The following NFASC variants were observed in gnomAD, a reference collection of about 807,000 sequenced individuals.
NFASC encodes neurofascin.
A neutral mutation model predicts 147.5 loss-of-function variants in NFASC; 43 were observed. The observed-to-expected ratio is 0.29, with a 90% CI of 0.23 to 0.38. The LOEUF is 0.38. Among genes scored for constraint, NFASC ranks in the 10% least tolerant of loss-of-function variants. NFASC has a pLI of 1.00. For missense variants in NFASC, 1,320 were observed against 1,689.0 expected (o/e 0.78, Z 3.83); for synonymous variants, 622 against 665.5 (o/e 0.93, Z 1.01).
chr1:204,964,792 A>C (rs2094859243), intron 8 of NFASC, among the ~76,000 whole-genome samples: 2 of 152,280 alleles, frequency 1.3e-5, no homozygotes, highest in Non-Finnish European at 2.9e-5. Flanking sequence ...TTTTTGGTAG[A>C]GGTCCTCAGA....
At chr1:204,863,901 T>A (rs28800878) in intron 1 of NFASC, among the ~76,000 whole-genome samples, 336 of 77,920 alleles carry the variant, frequency 4.3e-3, no homozygotes, top group Middle Eastern at 0.02. Context: ...GAAGGAAGGA[T>A]GGAAAGAAGA....
chr1:204,843,693 T>G (rs576134599), intron 1 of NFASC, among the ~76,000 whole-genome samples: 44 of 141,316 alleles, frequency 3.1e-4, no homozygotes, highest in Middle Eastern at 3.6e-3. Flanking sequence ...CCTTTCTCCC[T>G]TTCTCTCTTT....
At chr1:204,854,834 C>T (rs967487369) in intron 1 of NFASC, among the ~76,000 whole-genome samples, 2 of 152,246 alleles carry the variant, frequency 1.3e-5, no homozygotes, top group Admixed American at 6.5e-5. Flanking sequence ...CCTCTCCTGG[C>T]CTCACTCTGG....
intron 24 of NFASC, 139 bp from the exon 25 acceptor site, chr1:204,997,031 G>C: frequency 7.5e-7 from 1 of 1,340,640 alleles, no homozygotes. Flanking sequence ...GTCTGACCCA[G>C]TCCGTTATGC....
At chr1:204,866,518 G>A (rs1227297114) in intron 1 of NFASC, among the ~76,000 whole-genome samples, 1 of 152,138 alleles carries the variant, frequency 6.6e-6, no homozygotes, top group Non-Finnish European at 1.5e-5. Context: ...TCCAGAAAGG[G>A]TAAAAGGCTT....
chr1:204,936,198 CTTTTTCTTT>C (rs2092820158), intron 2 of NFASC, among the ~76,000 whole-genome samples: 1 of 71,880 alleles, frequency 1.4e-5, no homozygotes, highest in Non-Finnish European at 2.4e-5. Flanking sequence ...CTCTCTCTTT[CTTTTTCTTT>C]TTTTTTTTTT....
At chr1:204,937,835 C>T (rs1265297917) in intron 2 of NFASC, among the ~76,000 whole-genome samples, 6 of 152,308 alleles carry the variant, frequency 3.9e-5, no homozygotes, top group Non-Finnish European at 8.8e-5. Flanking sequence ...TACTGTCCTC[C>T]CTGCTGGGAT....
chr1:204,969,082 G>C (rs1362694171), intron 10 of NFASC, 100 bp downstream of exon 10: 1 of 1,077,416 alleles, frequency 9.3e-7, no homozygotes, highest in Non-Finnish European at 1.3e-6. Context: ...GAGTCGGAGA[G>C]ACTTCCAGCC....
intron 8 of NFASC, among the ~76,000 whole-genome samples, chr1:204,963,628 A>C (rs2094799749): frequency 6.6e-6 from 1 of 152,224 alleles, no homozygotes; most frequent in South Asian, 2.1e-4. Context: ...ACTATGAAAC[A>C]AGCAAAGCTT....
At chr1:205,003,802 G>C (rs1430131903) in intron 27 of NFASC, among the ~76,000 whole-genome samples, 2 of 152,172 alleles carry the variant, frequency 1.3e-5, no homozygotes, top group African/African-American at 4.8e-5. Context: ...CTTGCATCTT[G>C]GGAGTCCCTG....
rs1195491853 is a variant in NFASC at position 204,961,537 on chromosome 1, T to C, written c.706+3711T>C. On this transcript the variant is annotated intron_variant, in intron 8 of 29. Transcript: ENST00000339876. ...TGGTGCCCACCTGGGCAGACTCCAG[T>C]GACACATGTTGCTGGGTGTGGCCAG... is the stretch of plus-strand genomic sequence containing the variant. 6.6e-5 allele frequency among the ~76,000 whole-genome samples: 10 copies of C among 152,382 alleles called. 1 individual carries two copies. The highest frequency in any genetic ancestry group is 6.5e-4 in the Admixed American group (10 of 15,308).
chr1:204,984,810 A>G (rs2150531777), intron 21 of NFASC, among the ~76,000 whole-genome samples: 1 of 152,222 alleles, frequency 6.6e-6, no homozygotes, highest in South Asian at 2.1e-4. Context: ...GGAAGAAGAG[A>G]GAGAGCACCC....
At chr1:204,880,024 C>T (rs1460905576) in intron 1 of NFASC, among the ~76,000 whole-genome samples, 1 of 152,116 alleles carries the variant, frequency 6.6e-6, no homozygotes, top group Non-Finnish European at 1.5e-5. Flanking sequence ...TGGAGGCCTA[C>T]CTTGTGAGTG....
At chr1:204,936,138 C>G (rs2092803714) in intron 2 of NFASC, among the ~76,000 whole-genome samples, 1 of 151,948 alleles carries the variant, frequency 6.6e-6, no homozygotes. Flanking sequence ...GGAAAACCCA[C>G]CAGCTCCTCT....
chr1:204,848,584 T>A (rs766640251), intron 1 of NFASC, among the ~76,000 whole-genome samples: 54 of 152,382 alleles, frequency 3.5e-4, no homozygotes, highest in Non-Finnish European at 6.6e-4. Context: ...TTCTACTTTT[T>A]AAATGTTATT....
rs2095664034 is a variant in NFASC at position 204,988,795 on chromosome 1, C to T, written c.2756C>T (p.Pro919Leu). Reference sequence around the variant, plus strand: ...GCCGTCACAGAGGAGTCACCAGCACCCCCGAATGAAGGTAGGTGCATGGCA... The same window carrying T: ...GCCGTCACAGAGGAGTCACCAGCACTCCCGAATGAAGGTAGGTGCATGGCA... ...GEAVTEESPA[P>L]PNEATPTAAP... The change falls in exon 23 of 30, where the codon CCC becomes CTC. Residue 919 changes from proline (P) to leucine (L), a missense_variant. Pro to Leu is a moderately conservative substitution (Grantham distance 98). Coordinates refer to ENST00000339876, the MANE Select transcript of NFASC (RefSeq NM_001005388.3). 6.2e-7 allele frequency: 1 copy of T among 1,614,034 alleles called. No homozygotes were observed. Among genetic ancestry groups the T allele is most frequent in the South Asian group, 1.1e-5 (1 of 91,078 alleles).
rs2095608629 is a variant in NFASC, at chr1:204,986,022, C to T, written c.2471-1396C>T. 6.2e-7 allele frequency: 1 copy of T among 1,614,100 alleles called. No individual in the cohort carries two copies. Among genetic ancestry groups the T allele is most frequent in the Non-Finnish European group, 8.5e-7 (1 of 1,179,934 alleles). ...CGTGGCGTGGTGTCCCGCCTCTTCC[C>T]CTACAGTAACTACAAGCTGGAGATG... On this transcript the variant is annotated intron_variant, in intron 21 of 29. Transcript: ENST00000339876. This position sits in a 1 kb window ranked among gnomAD's most constrained non-coding sequence, Gnocchi z 4.2.
chr1:204,946,904 C>G, intron 3 of NFASC: 1 of 419,174 alleles, frequency 2.4e-6, no homozygotes, highest in Non-Finnish European at 4.8e-6. Context: ...TCCCACCGCC[C>G]CTGACACAAA....
chr1:204,847,851 C>T (rs2075314156), intron 1 of NFASC, among the ~76,000 whole-genome samples: 1 of 152,156 alleles, frequency 6.6e-6, no homozygotes, highest in Non-Finnish European at 1.5e-5. Flanking sequence ...TGTTCAGTTC[C>T]TCTGTTTGTC....
Sources: gnomAD v4.1 joint callset for allele counts (sites outside exome capture counted in the v4.1 genomes callset) on GRCh38, gnomAD v4.1.1 for gene constraint, Gnocchi (gnomAD v3.1) non-coding constraint, MANE v1.5 for transcripts, NCBI Gene and HGNC (gene_info 2026-07-23, HGNC 2026-07-21) for gene names.